ADORA2B: variants seen among roughly 807,000 people sequenced by gnomAD.
The protein encoded by ADORA2B is adenosine receptor A2b.
In ADORA2B, 18 loss-of-function variants were observed where a neutral mutation model predicts 20.8. The ratio of observed to expected loss-of-function variants is 0.87; its 90% CI spans 0.60 to 1.29. ADORA2B has a LOEUF of 1.29. Among genes scored for constraint, ADORA2B ranks in the 50% most tolerant of loss-of-function variants. The pLI is 0.00. For synonymous variants in ADORA2B, 179 were observed against 178.3 expected (o/e 1.00, Z -0.03); for missense variants, 441 against 422.7 (o/e 1.04, Z -0.38).
At chr17:15,887,783 T>TA in the ADORA2B span, among the ~76,000 whole-genome samples, 20 of 117,680 alleles carry the variant, frequency 1.7e-4, 3 homozygotes, top group African/African-American at 3.8e-4. Flanking sequence ...ACGTCTCTAC[T>TA]AAAAAAAAAT....
the ADORA2B span, among the ~76,000 whole-genome samples, chr17:15,899,152 C>T: frequency 6.6e-6 from 1 of 152,044 alleles, no homozygotes; most frequent in Non-Finnish European, 1.5e-5. Context: ...ATCACTTGAA[C>T]CTGGGAGGCG....
the ADORA2B span, among the ~76,000 whole-genome samples, chr17:15,906,170 C>T: frequency 1.3e-5 from 2 of 152,174 alleles, no homozygotes; most frequent in African/African-American, 2.4e-5. Context: ...TGAGAAAAGC[C>T]ATCCTGGCCT....
At chr17:15,935,866 C>CTTTT in the ADORA2B span, among the ~76,000 whole-genome samples, 2 of 130,134 alleles carry the variant, frequency 1.5e-5, no homozygotes, top group African/African-American at 5.8e-5. Context: ...TGTTATTGTA[C>CTTTT]TTTTTTTTTT....
chr17:15,913,001 GA>G, the ADORA2B span, among the ~76,000 whole-genome samples: 1 of 152,244 alleles, frequency 6.6e-6, no homozygotes, highest in Non-Finnish European at 1.5e-5. Context: ...GTGATGGAGA[GA>G]AAACACTCAC....
At chr17:15,868,544 G>T in the ADORA2B span, among the ~76,000 whole-genome samples, 6 of 137,464 alleles carry the variant, frequency 4.4e-5, 2 homozygotes. Flanking sequence ...AGGCCGAGGC[G>T]GGCGGATAAC....
At chr17:15,872,927 G>GT in the ADORA2B span, among the ~76,000 whole-genome samples, 1 of 152,128 alleles carries the variant, frequency 6.6e-6, no homozygotes, top group African/African-American at 2.4e-5. Context: ...CTGGCTAGGA[G>GT]TTTCAGAACT....
the ADORA2B span, among the ~76,000 whole-genome samples, chr17:15,902,879 A>T: frequency 6.6e-6 from 1 of 152,204 alleles, no homozygotes; most frequent in Non-Finnish European, 1.5e-5. Context: ...AAGATTCTGG[A>T]GGGCTCACTG....
chr17:15,858,356 G>T, the ADORA2B span, among the ~76,000 whole-genome samples: 2 of 152,096 alleles, frequency 1.3e-5, no homozygotes, highest in African/African-American at 4.8e-5. Context: ...GATTAGTGAT[G>T]TTGAGCATCT....
chr17:15,874,400 T>C, the ADORA2B span, among the ~76,000 whole-genome samples: 1 of 151,712 alleles, frequency 6.6e-6, no homozygotes, highest in Non-Finnish European at 1.5e-5. Context: ...TTTTTAAAAG[T>C]GTCGTGGCTG....
At chr17:15,914,258 A>G in the ADORA2B span, among the ~76,000 whole-genome samples, 3 of 152,214 alleles carry the variant, frequency 2.0e-5, no homozygotes, top group African/African-American at 4.8e-5. Flanking sequence ...GTGTGGTGGC[A>G]TGATCCTAGC....
chr17:15,927,476 T>G, the ADORA2B span, among the ~76,000 whole-genome samples: 1 of 150,994 alleles, frequency 6.6e-6, no homozygotes, highest in Non-Finnish European at 1.5e-5. Context: ...AGTGAGACCC[T>G]GTCTCAGGAA....
chr17:15,935,437 C>T, the ADORA2B span, among the ~76,000 whole-genome samples: 1 of 152,022 alleles, frequency 6.6e-6, no homozygotes, highest in Admixed American at 6.6e-5. Context: ...ATTGAGGGTT[C>T]CTTGTACATA....
upstream of ADORA2B, among the ~76,000 whole-genome samples, chr17:15,941,963 G>T (rs1402246031): frequency 6.6e-6 from 1 of 152,024 alleles, no homozygotes; most frequent in Non-Finnish European, 1.5e-5. Flanking sequence ...GGGGCGGGTT[G>T]TTGTGTGAGT....
the ADORA2B span, among the ~76,000 whole-genome samples, chr17:15,917,557 G>GCC: frequency 2.0e-5 from 3 of 152,214 alleles, no homozygotes; most frequent in African/African-American, 7.2e-5. Context: ...GCCCAGCCCT[G>GCC]CCCCCGCAGG....
the ADORA2B span, among the ~76,000 whole-genome samples, chr17:15,873,024 C>G: frequency 6.6e-6 from 1 of 152,106 alleles, no homozygotes; most frequent in Non-Finnish European, 1.5e-5. Context: ...TTCAGTATTA[C>G]GCTGGTTGTG....
the ADORA2B span, among the ~76,000 whole-genome samples, chr17:15,916,552 G>A: frequency 1.3e-5 from 2 of 152,136 alleles, no homozygotes; most frequent in Non-Finnish European, 2.9e-5. Flanking sequence ...GGGTCTGCAA[G>A]CTCCTGCGTC....
chr17:15,912,598 CAA>C, the ADORA2B span, among the ~76,000 whole-genome samples: 3 of 152,182 alleles, frequency 2.0e-5, no homozygotes, highest in Non-Finnish European at 2.9e-5. Flanking sequence ...TGTCAGGTGA[CAA>C]GAGAAGCTGT....
At chr17:15,966,016 A>G (rs563512582) in intron 1 of ADORA2B, among the ~76,000 whole-genome samples, 1 of 152,338 alleles carries the variant, frequency 6.6e-6, no homozygotes, top group South Asian at 2.1e-4. Context: ...TCTAGTGACA[A>G]TGTTTTGTAG....
the ADORA2B span, among the ~76,000 whole-genome samples, chr17:15,867,781 C>T: frequency 5.3e-5 from 8 of 150,460 alleles, no homozygotes; most frequent in East Asian, 2.0e-4. Flanking sequence ...CCAGCCGCCC[C>T]GTCCGGGAGG....
Sources: gnomAD v4.1 joint callset for allele counts (sites outside exome capture counted in the v4.1 genomes callset) on GRCh38, gnomAD v4.1.1 for gene constraint, MANE v1.5 for transcripts, NCBI Gene and HGNC (gene_info 2026-07-23, HGNC 2026-07-21) for gene names.